Variants in NPAS2 observed in about 807,000 individuals in gnomAD.
NPAS2 encodes neuronal PAS domain-containing protein 2.
A neutral mutation model predicts 107.5 loss-of-function variants in NPAS2; 23 were observed. The observed-to-expected ratio is 0.21, with a 90% CI of 0.15 to 0.30. The LOEUF is 0.30. Among genes scored for constraint, NPAS2 ranks in the 10% least tolerant of loss-of-function variants. NPAS2 has a pLI of 1.00. For missense variants in NPAS2, 756 were observed against 1,043.3 expected (o/e 0.72, Z 3.79); for synonymous variants, 403 against 417.5 (o/e 0.97, Z 0.42).
At chr2:100,879,220 T>C (rs887892964) in intron 1 of NPAS2, among the ~76,000 whole-genome samples, 2 of 152,334 alleles carry the variant, frequency 1.3e-5, no homozygotes, top group African/African-American at 4.8e-5. Context: ...TTGATAATTA[T>C]ATTTTAAGAT....
rs200577496 is a variant in NPAS2, at chr2:100,946,396, C to CA, written c.364-1836dup. ...GGGGCTTTCTCAGAGGAAGTGACTT[C>CA]AAAGCAGGGACCTGAAGGTTGCACA... On this transcript the variant is annotated intron_variant, in intron 5 of 20. Coordinates refer to ENST00000335681, the MANE Select transcript of NPAS2 (RefSeq NM_002518.4). Among the ~76,000 whole-genome samples the CA allele has an allele frequency of 7.7e-3, 1,177 of 152,208 alleles. 13 individuals carry two copies. Among genetic ancestry groups the CA allele is most frequent in the African/African-American group, 0.026 (1,089 of 41,512 alleles).
intron 1 of NPAS2, among the ~76,000 whole-genome samples, chr2:100,887,468 G>A (rs1680768531): frequency 6.6e-6 from 1 of 152,210 alleles, no homozygotes; most frequent in East Asian, 1.9e-4. Flanking sequence ...ACGGAGAGGT[G>A]AGGGGAGAGG....
At chr2:100,859,192 G>A (rs1678779006) in intron 1 of NPAS2, among the ~76,000 whole-genome samples, 1 of 152,230 alleles carries the variant, frequency 6.6e-6, no homozygotes, top group African/African-American at 2.4e-5. Context: ...GAACCCGAGA[G>A]GCGGAGGTTG....
intron 7 of NPAS2, among the ~76,000 whole-genome samples, chr2:100,952,521 A>G (rs1469721401): frequency 1.3e-5 from 2 of 152,078 alleles, no homozygotes; most frequent in African/African-American, 2.4e-5. Flanking sequence ...CCAAGATTGC[A>G]CCATTTGCAC....
chr2:100,985,011 C>T (rs1432252743), intron 16 of NPAS2: 2 of 152,230 alleles, frequency 1.3e-5, no homozygotes, highest in East Asian at 1.9e-4. Context: ...CCAAGGCTGC[C>T]TCTTGCTCTT....
chr2:100,855,793 A>G (rs1404052619), intron 1 of NPAS2, among the ~76,000 whole-genome samples: 1 of 152,184 alleles, frequency 6.6e-6, no homozygotes, highest in African/African-American at 2.4e-5. Context: ...AGATGGTAGC[A>G]CCAGCTTCAG....
chr2:100,897,927 A>G (rs1312371170), intron 1 of NPAS2, among the ~76,000 whole-genome samples: 1 of 152,202 alleles, frequency 6.6e-6, no homozygotes, highest in African/African-American at 2.4e-5. Flanking sequence ...GTGCTTTGGC[A>G]TATACATTCT....
intron 1 of NPAS2, among the ~76,000 whole-genome samples, chr2:100,834,886 TG>T (rs1676961239): frequency 6.6e-6 from 1 of 152,162 alleles, no homozygotes; most frequent in Non-Finnish European, 1.5e-5. Context: ...TTTTAATTTT[TG>T]TATTTTTAGT....
intron 12 of NPAS2, among the ~76,000 whole-genome samples, chr2:100,973,333 G>A (rs749399555): frequency 1.3e-5 from 2 of 152,182 alleles, no homozygotes; most frequent in Non-Finnish European, 2.9e-5. Context: ...GCAGATTCCC[G>A]TGTGTGGACG....
intron 1 of NPAS2, among the ~76,000 whole-genome samples, chr2:100,891,158 G>A (rs1338577146): frequency 6.6e-6 from 1 of 151,998 alleles, no homozygotes; most frequent in Non-Finnish European, 1.5e-5. Context: ...CGTGAACCCG[G>A]GGGGTGGAGC....
chr2:100,949,269 A>C (rs951634761), intron 6 of NPAS2, 98 bp from the exon 7 acceptor site: 29 of 757,782 alleles, frequency 3.8e-5, no homozygotes, highest in Non-Finnish European at 6.5e-5. Flanking sequence ...CCATGTGTAG[A>C]CTAAATCCCA....
chr2:100,922,077 C>T (rs996736693), intron 2 of NPAS2, among the ~76,000 whole-genome samples: 7 of 152,122 alleles, frequency 4.6e-5, no homozygotes, highest in Admixed American at 1.3e-4. Context: ...AAATTCTAGA[C>T]CAGGTGAAAC....
intron 8 of NPAS2, 102 bp from the exon 9 acceptor site, chr2:100,964,759 T>A: frequency 1.4e-6 from 1 of 709,028 alleles, no homozygotes. Context: ...TTGCTCGAAA[T>A]GATTTTAACT....
chr2:100,859,140 T>G (rs1429427331), intron 1 of NPAS2, among the ~76,000 whole-genome samples: 2 of 152,224 alleles, frequency 1.3e-5, no homozygotes, highest in African/African-American at 2.4e-5. Flanking sequence ...AACATGCGCC[T>G]GTGATCCTAG....
rs1256349368 is a variant in NPAS2, at chr2:100,953,045, AG to A, written c.598+3566del. Reference sequence around the variant, plus strand: ...ATATCATTCTAACTGGGATTAAAATAGCAAAAATTGTCAGAGACAAATGAAT... The same window carrying A: ...ATATCATTCTAACTGGGATTAAAATACAAAAATTGTCAGAGACAAATGAAT... On this transcript the variant is annotated intron_variant, in intron 7 of 20. Coordinates refer to ENST00000335681, the MANE Select transcript of NPAS2 (RefSeq NM_002518.4). Among the ~76,000 whole-genome samples, 87 of 142,292 alleles carry A rather than the reference AG, an allele frequency of 6.1e-4. 4 individuals carry two copies. Among genetic ancestry groups the A allele is most frequent in the Middle Eastern group, 3.4e-3 (1 of 290 alleles). The allele number at this position is 142,292 out of a possible 152,430, so 93.3% of individuals were successfully genotyped here.
chr2:100,985,628 G>A (rs1011773566), intron 16 of NPAS2: 6 of 152,172 alleles, frequency 3.9e-5, no homozygotes, highest in Non-Finnish European at 8.8e-5. Flanking sequence ...CCAAAGAGGC[G>A]AAGGAGGAAA....
In NPAS2 at chr2:100,965,793, T is replaced by C; in HGVS notation, c.907+27T>C. On this transcript the variant is annotated intron_variant, in intron 10 of 20. Coordinates refer to ENST00000335681, the MANE Select transcript of NPAS2 (RefSeq NM_002518.4). This position sits in a 1 kb window ranked among gnomAD's most constrained non-coding sequence, Gnocchi z 4.3. ...TGAGTACCACTGCCCAGCCCAGGCA[T>C]GGGGGCCTTGCGTTCACTCCACTGG... 1.8e-6 allele frequency: 2 copies of C among 1,137,342 alleles called. No individual in the cohort carries two copies. The highest frequency in any genetic ancestry group is 1.1e-6 in the Non-Finnish European group (1 of 902,960). The allele number at this position is 1,137,342 out of a possible 1,614,324, so 70.5% of individuals were successfully genotyped here. A position where few individuals can be genotyped will look rare whatever the true frequency, so the allele number is the denominator to read the frequency against.
At chr2:100,850,649 T>G (rs1678104542) in intron 1 of NPAS2, among the ~76,000 whole-genome samples, 2 of 152,094 alleles carry the variant, frequency 1.3e-5, no homozygotes, top group Admixed American at 1.3e-4. Flanking sequence ...GGAATATCCT[T>G]CAGCCTTAAA....
At chr2:100,949,515 C>A in intron 7 of NPAS2, 35 bp downstream of exon 7, 2 of 1,258,492 alleles carry the variant, frequency 1.6e-6, no homozygotes, top group Non-Finnish European at 2.3e-6. Flanking sequence ...GTGACAGTGT[C>A]TTTTCTCATG....
Sources: gnomAD v4.1 joint callset for allele counts (sites outside exome capture counted in the v4.1 genomes callset) on GRCh38, gnomAD v4.1.1 for gene constraint, Gnocchi (gnomAD v3.1) non-coding constraint, MANE v1.5 for transcripts, NCBI Gene and HGNC (gene_info 2026-07-23, HGNC 2026-07-21) for gene names.